Variants in ANO3 observed in about 807,000 individuals in gnomAD.
ANO3 encodes anoctamin-3.
ANO3 carries 99 observed loss-of-function variants against 144.8 expected under a neutral mutation model. The ratio of observed to expected loss-of-function variants is 0.68; its 90% CI spans 0.58 to 0.81. The LOEUF (loss-of-function observed/expected upper bound fraction) is 0.81, where lower values mean the gene tolerates loss of function less well. ANO3 is among the 30% of genes least tolerant of loss of function. The pLI, the probability that ANO3 is intolerant of heterozygous loss-of-function variation, is 0.00. For synonymous variants in ANO3, 414 were observed against 392.6 expected (o/e 1.05, Z -0.64); for missense variants, 905 against 1,202.2 (o/e 0.75, Z 3.66).
At chr11:26,280,662 T>C (rs1853658120) in intron 1 of ANO3, among the ~76,000 whole-genome samples, 1 of 152,162 alleles carries the variant, frequency 6.6e-6, no homozygotes, top group Non-Finnish European at 1.5e-5. Context: ...TTAATCTCCT[T>C]TGGCAACACC....
At chr11:26,625,490 C>T (rs1852554561) in intron 18 of ANO3, among the ~76,000 whole-genome samples, 1 of 152,172 alleles carries the variant, frequency 6.6e-6, no homozygotes. Flanking sequence ...CGTTAGTCTT[C>T]ACATCATTAT....
At chr11:26,567,969 G>A (rs1281263678) in intron 14 of ANO3, among the ~76,000 whole-genome samples, 2 of 151,988 alleles carry the variant, frequency 1.3e-5, no homozygotes, top group Non-Finnish European at 2.9e-5. Context: ...TTGGGAAAGG[G>A]CTTTATTACT....
intron 1 of ANO3, among the ~76,000 whole-genome samples, chr11:26,201,479 G>A (rs923100989): frequency 6.6e-6 from 1 of 151,760 alleles, no homozygotes; most frequent in Admixed American, 6.6e-5. Flanking sequence ...AATAAAAGTC[G>A]GCATATGTGA....
At chr11:26,632,883 A>G (rs1022484261) in intron 18 of ANO3, among the ~76,000 whole-genome samples, 1 of 152,226 alleles carries the variant, frequency 6.6e-6, no homozygotes, top group Non-Finnish European at 1.5e-5. Flanking sequence ...TGTGTTAATG[A>G]ACTAAATTTG....
At position 26,222,334 on chromosome 11, in the gene ANO3, G is replaced by T. The variant is rs118183642; in HGVS notation, c.154+33004G>T. Among the ~76,000 whole-genome samples, 440 of 152,346 alleles carry T rather than the reference G, an allele frequency of 2.9e-3. 2 individuals carry two copies. The highest frequency in any genetic ancestry group is 4.2e-3 in the Non-Finnish European group (286 of 68,044). Reference sequence around the variant, plus strand: ...GGGTGGGCTCCCAAGGCCTTGGAAAGCTCCATCCCTGTGGCTTTTCAGGGT... The same window carrying T: ...GGGTGGGCTCCCAAGGCCTTGGAAATCTCCATCCCTGTGGCTTTTCAGGGT... On this transcript the variant is annotated intron_variant, in intron 1 of 27. Transcript: ENST00000672621.
chr11:26,659,623 G>T (rs111609109), intron 26 of ANO3, among the ~76,000 whole-genome samples: 100 of 152,178 alleles, frequency 6.6e-4, no homozygotes, highest in African/African-American at 2.2e-3. Flanking sequence ...CTTAAGCCCA[G>T]GAGATGGAGG....
chr11:26,409,321 C>T (rs946627516), intron 1 of ANO3, among the ~76,000 whole-genome samples: 1 of 151,700 alleles, frequency 6.6e-6, no homozygotes, highest in Non-Finnish European at 1.5e-5. Context: ...AGTAAGAGCT[C>T]AACAAACATA....
At chr11:26,570,262 T>G (rs1032362465) in intron 14 of ANO3, among the ~76,000 whole-genome samples, 1 of 152,038 alleles carries the variant, frequency 6.6e-6, no homozygotes, top group Non-Finnish European at 1.5e-5. Flanking sequence ...TGGAAAGTGG[T>G]TTCACATTAT....
intron 1 of ANO3, among the ~76,000 whole-genome samples, chr11:26,246,471 T>TAC (rs979879423): frequency 2.0e-5 from 3 of 148,078 alleles, no homozygotes; most frequent in African/African-American, 7.4e-5. Flanking sequence ...TATATATATA[T>TAC]ATATATATAT....
intron 1 of ANO3, among the ~76,000 whole-genome samples, chr11:26,194,153 GT>G (rs1851531916): frequency 1.3e-5 from 2 of 151,942 alleles, no homozygotes; most frequent in Admixed American, 6.6e-5. Flanking sequence ...TATTATAATG[GT>G]TTTCCAGAAG....
chr11:26,448,923 T>C (rs965690598), intron 3 of ANO3, among the ~76,000 whole-genome samples: 1 of 151,926 alleles, frequency 6.6e-6, no homozygotes, highest in Non-Finnish European at 1.5e-5. Context: ...ATCTCCCTGC[T>C]CAAAATCTTG....
chr11:26,390,805 C>T (rs1215448462), intron 1 of ANO3, among the ~76,000 whole-genome samples: 1 of 152,018 alleles, frequency 6.6e-6, no homozygotes, highest in East Asian at 1.9e-4. Context: ...ATAAAGGCAA[C>T]ATTATTTTTG....
At chr11:26,438,443 C>A (rs1430102682) in intron 1 of ANO3, among the ~76,000 whole-genome samples, 7 of 151,674 alleles carry the variant, frequency 4.6e-5, no homozygotes, top group Admixed American at 2.0e-4. Flanking sequence ...TCAATGGAAT[C>A]CCTATCATAA....
intron 7 of ANO3, among the ~76,000 whole-genome samples, chr11:26,527,235 A>G (rs1393924996): frequency 6.6e-6 from 1 of 152,156 alleles, no homozygotes; most frequent in Non-Finnish European, 1.5e-5. Context: ...TGTTTTGGTC[A>G]AATGTAAAAG....
At chr11:26,481,358 A>G (rs1860209040) in intron 4 of ANO3, among the ~76,000 whole-genome samples, 2 of 152,118 alleles carry the variant, frequency 1.3e-5, no homozygotes, top group Admixed American at 6.5e-5. Flanking sequence ...GAATAAATTT[A>G]TCTAATACAC....
At chr11:26,591,573 C>T (rs932361586) in intron 14 of ANO3, among the ~76,000 whole-genome samples, 4 of 152,078 alleles carry the variant, frequency 2.6e-5, no homozygotes, top group Non-Finnish European at 5.9e-5. Flanking sequence ...TTAGAAAAAC[C>T]CCTATACGAT....
At chr11:26,541,895 T>C (rs1485374008) in intron 10 of ANO3, 52 bp from the exon 11 acceptor site, 1 of 1,554,060 alleles carries the variant, frequency 6.4e-7, no homozygotes, top group African/African-American at 1.4e-5. Flanking sequence ...CTTACTCAGT[T>C]AAAATTTCAC....
chr11:26,578,873 G>A (rs552701934), intron 14 of ANO3, among the ~76,000 whole-genome samples: 1 of 152,284 alleles, frequency 6.6e-6, no homozygotes, highest in Non-Finnish European at 1.5e-5. Context: ...AGGGAAATGA[G>A]ACGGCTCTCT....
chr11:26,277,162 A>AT (rs1247575061), intron 1 of ANO3, among the ~76,000 whole-genome samples: 4 of 152,054 alleles, frequency 2.6e-5, no homozygotes, highest in Admixed American at 6.6e-5. Flanking sequence ...CCTTCATGTG[A>AT]TTTTTTTCTT....
Sources: gnomAD v4.1 joint callset for allele counts (sites outside exome capture counted in the v4.1 genomes callset) on GRCh38, gnomAD v4.1.1 for gene constraint, MANE v1.5 for transcripts, NCBI Gene and HGNC (gene_info 2026-07-23, HGNC 2026-07-21) for gene names.